MAP2K6: variants seen among roughly 807,000 people sequenced by gnomAD.
The protein encoded by MAP2K6 is mitogen-activated protein kinase kinase 6.
A neutral mutation model predicts 53.7 loss-of-function variants in MAP2K6; 16 were observed. That is an observed-to-expected ratio of 0.30 (90% confidence interval 0.20 to 0.45). MAP2K6 has a LOEUF of 0.45. MAP2K6 is among the 20% of genes least tolerant of loss of function. The pLI is 1.00. For missense variants in MAP2K6, 204 were observed against 411.9 expected, an observed-to-expected ratio of 0.50 and a Z score of 4.37; for synonymous variants, 132 against 143.1, an observed-to-expected ratio of 0.92 and a Z score of 0.55.
chr17:69,492,557 G>T (rs1305342591), intron 1 of MAP2K6, among the ~76,000 whole-genome samples: 1 of 152,172 alleles, frequency 6.6e-6, no homozygotes, highest in African/African-American at 2.4e-5. Context: ...TACAGTGAAG[G>T]TATTGGCATG....
chr17:69,438,737 T>C (rs1384101018), intron 1 of MAP2K6, among the ~76,000 whole-genome samples: 2 of 152,092 alleles, frequency 1.3e-5, no homozygotes, highest in Non-Finnish European at 1.5e-5. Context: ...ACCACCACAC[T>C]GGACTAATTT....
intron 1 of MAP2K6, among the ~76,000 whole-genome samples, chr17:69,496,904 C>T (rs529903187): frequency 4.6e-5 from 7 of 152,228 alleles, no homozygotes; most frequent in Middle Eastern, 3.4e-3. Flanking sequence ...TCCTCTTTCA[C>T]TTAACTTCAT....
chr17:69,443,872 A>G (rs1332760435), intron 1 of MAP2K6, among the ~76,000 whole-genome samples: 1 of 152,176 alleles, frequency 6.6e-6, no homozygotes, highest in Non-Finnish European at 1.5e-5. Context: ...AGAGGAATGC[A>G]TTTTAGTCAC....
chr17:69,425,286 A>G lies in MAP2K6; in HGVS notation c.16+10286A>G, dbSNP rs1486323039. Among the ~76,000 whole-genome samples the G allele has an allele frequency of 2.6e-5, 4 of 151,938 alleles. No individual in the cohort carries two copies. In the East Asian group the frequency reaches 7.8e-4, roughly 29 times the overall value. ...AGGAGGTAGATGGGGATGGAAATGA[A>G]TTTCCTTTTAAAGCAATGAATTCTT... is the stretch of plus-strand genomic sequence containing the variant. On this transcript the variant is annotated intron_variant, in intron 1 of 11. Transcript: ENST00000590474.
intron 1 of MAP2K6, among the ~76,000 whole-genome samples, chr17:69,421,496 GCTTCTGAAGGATTGTCAGAGACAATC>G (rs1906077164): frequency 1.3e-5 from 2 of 151,812 alleles, no homozygotes; most frequent in South Asian, 4.2e-4. Flanking sequence ...AGTCTATGAG[GCTTCTGAAGGATTGTCAGAGACAATC>G]CTTTTTTTGT....
In MAP2K6 at chr17:69,487,515, C is replaced by T. The variant is rs144203704; in HGVS notation, c.17-18265C>T. On this transcript the variant is annotated intron_variant, in intron 1 of 11. Coordinates refer to ENST00000590474, the MANE Select transcript of MAP2K6 (RefSeq NM_002758.4). Reference sequence around the variant, plus strand: ...AGTGTAGCTGATGGGTAACTTACAGCGTTCATTTATCCCAGACATATTTAT... The same window carrying T: ...AGTGTAGCTGATGGGTAACTTACAGTGTTCATTTATCCCAGACATATTTAT... Among the ~76,000 whole-genome samples, 542 of 152,284 alleles carry T rather than the reference C, an allele frequency of 3.6e-3. 4 individuals are homozygous for T. Among genetic ancestry groups the T allele is most frequent in the African/African-American group, 0.012 (519 of 41,558 alleles).
chr17:69,485,234 C>A (rs1908487996), intron 1 of MAP2K6: 1 of 152,084 alleles, frequency 6.6e-6, no homozygotes, highest in Non-Finnish European at 1.5e-5. Flanking sequence ...CCCATACTCA[C>A]ATCTCATACT....
Position 69,494,775 on chromosome 17 carries a change from G to A in MAP2K6, c.17-11005G>A, listed in dbSNP as rs1399187534. 6.6e-6 allele frequency among the ~76,000 whole-genome samples: 1 copy of A among 151,958 alleles called. No homozygotes were observed. The highest frequency in any genetic ancestry group is 1.5e-5 in the Non-Finnish European group (1 of 67,994). ...AATCCCAGCACTTTGGGAGGCTGGG[G>A]CGGGTGGATCACCTGAGGTCAGGAA... On this transcript the variant is annotated intron_variant, in intron 1 of 11. Coordinates refer to ENST00000590474, the MANE Select transcript of MAP2K6 (RefSeq NM_002758.4). This position sits in a 1 kb window ranked among gnomAD's most constrained non-coding sequence, Gnocchi z 4.2.
intron 1 of MAP2K6, 27 bp downstream of exon 1, chr17:69,415,027 A>G (rs1905854128): frequency 1.3e-6 from 2 of 1,535,348 alleles, no homozygotes; most frequent in Admixed American, 1.7e-5. Context: ...ATTAGTTGCA[A>G]AAATGCAAAG....
At chr17:69,514,960 G>T (rs920138030) in intron 2 of MAP2K6, among the ~76,000 whole-genome samples, 1 of 152,038 alleles carries the variant, frequency 6.6e-6, no homozygotes, top group African/African-American at 2.4e-5. Flanking sequence ...ATTGGCAAAG[G>T]TTTCTTTTCT....
chr17:69,468,300 G>C (rs965203691), intron 1 of MAP2K6, among the ~76,000 whole-genome samples: 2 of 152,126 alleles, frequency 1.3e-5, no homozygotes, highest in African/African-American at 4.8e-5. Context: ...CTCTCAATTA[G>C]TTTTCCTGAC....
intron 2 of MAP2K6, among the ~76,000 whole-genome samples, chr17:69,506,062 AGTAGGAAGTGAAT>A (rs1909454880): frequency 6.6e-6 from 1 of 152,220 alleles, no homozygotes; most frequent in African/African-American, 2.4e-5. Flanking sequence ...TTATTGGTTG[AGTAGGAAGTGAAT>A]GTCACATATA....
chr17:69,500,087 A>G (rs545148433), intron 1 of MAP2K6, among the ~76,000 whole-genome samples: 1 of 152,248 alleles, frequency 6.6e-6, no homozygotes, highest in Admixed American at 6.5e-5. Context: ...AGCAAAGGTA[A>G]GGTCTTAGGA....
intron 11 of MAP2K6, among the ~76,000 whole-genome samples, chr17:69,540,104 T>C (rs73371376): frequency 0.058 from 8,782 of 152,302 alleles, 808 homozygotes; most frequent in African/African-American, 0.2. Context: ...TCTTTGTTCC[T>C]TTCCCATTTG....
chr17:69,533,549 C>G (rs1030609752), intron 10 of MAP2K6, among the ~76,000 whole-genome samples: 1 of 152,086 alleles, frequency 6.6e-6, no homozygotes, highest in African/African-American at 2.4e-5. Flanking sequence ...AGATGCAATG[C>G]GGAGTTTAAG....
intron 1 of MAP2K6, among the ~76,000 whole-genome samples, chr17:69,454,638 G>A (rs930900402): frequency 2.0e-5 from 3 of 151,676 alleles, no homozygotes; most frequent in Admixed American, 6.6e-5. Context: ...TGATCCACCC[G>A]CCTCTGCCTC....
intron 9 of MAP2K6, among the ~76,000 whole-genome samples, chr17:69,526,007 C>T (rs1307353712): frequency 6.6e-6 from 1 of 152,162 alleles, no homozygotes; most frequent in East Asian, 1.9e-4. Context: ...GTGGTCCTGG[C>T]TCCTCCCCAG....
rs1406723757 is a variant in MAP2K6 at position 69,531,799 on chromosome 17, G to C, written c.882-4316G>C. On this transcript the variant is annotated intron_variant, in intron 10 of 11. Transcript: ENST00000590474. The stretch of plus-strand genomic sequence containing the variant: ...CTATATATCTCTTTCTTATCGTAGG[G>C]GTTTTAAGGAGTTCTTGAGTTGGGT... Among the ~76,000 whole-genome samples the C allele has an allele frequency of 2.6e-5, 4 of 152,070 alleles. No individual in the cohort carries two copies. The East Asian group carries it at 7.7e-4, about 29-fold the overall frequency.
chr17:69,447,641 C>T (rs190006492), intron 1 of MAP2K6, among the ~76,000 whole-genome samples: 18 of 152,244 alleles, frequency 1.2e-4, no homozygotes, highest in African/African-American at 3.6e-4. Flanking sequence ...CCACCATGCC[C>T]GGCTAGGAAT....
Sources: allele counts gnomAD v4.1 joint callset (sites outside exome capture counted in the v4.1 genomes callset), GRCh38; gene constraint gnomAD v4.1.1; non-coding constraint Gnocchi (gnomAD v3.1); transcripts MANE v1.5; gene names NCBI Gene and HGNC (gene_info 2026-07-23, HGNC 2026-07-21).